The following PCDHGA5 variants were observed in gnomAD, a reference collection of about 807,000 sequenced individuals.
PCDHGA5 encodes protocadherin gamma-A5.
PCDHGA5 carries 36 observed loss-of-function variants against 56.7 expected under a neutral mutation model. That is an observed-to-expected ratio of 0.64 (90% CI 0.49 to 0.84). The LOEUF is 0.84. Among genes scored for constraint, PCDHGA5 ranks in the 40% least tolerant of loss-of-function variants. The pLI, the probability that PCDHGA5 is intolerant of heterozygous loss-of-function variation, is 0.00. For missense variants in PCDHGA5, 1,305 were observed against 1,201.5 expected, an observed-to-expected ratio of 1.09 and a Z score of -1.27; for synonymous variants, 563 against 520.2, an observed-to-expected ratio of 1.08 and a Z score of -1.12.
In PCDHGA5 at chr5:141,415,739, GGTTTTT is replaced by G; in HGVS notation, c.2421+48989_2421+48994del. On this transcript the variant is annotated intron_variant, in intron 1 of 3. Coordinates refer to ENST00000518069, the MANE Select transcript of PCDHGA5 (RefSeq NM_018918.3). ...ATGAGTAGAATTTGATGTTTATTAA[GGTTTTT>G]TTTTTTTTTTTTTTTTTTTTTTTTT... is the stretch of plus-strand genomic sequence containing the variant. 1.4e-4 allele frequency: 59 copies of G among 434,890 alleles called. 1 individual carries two copies. The African/African-American group carries it at 1.6e-3, about 12-fold the overall frequency. The allele number at this position is 434,890 out of a possible 1,614,324, so 26.9% of individuals were successfully genotyped here.
intron 1 of PCDHGA5, chr5:141,415,740 G>GTTTTTTTTTTTTTTTTTTTTTTTTTTTTT (rs57426385): frequency 8.0e-6 from 5 of 625,030 alleles, no homozygotes; most frequent in African/African-American, 2.5e-5. Flanking sequence ...GTTTATTAAG[G>GTTTTTTTTTTTTTTTTTTTTTTTTTTTTT]TTTTTTTTTT....
intron 1 of PCDHGA5, chr5:141,367,354 C>A (rs991967780): frequency 2.6e-5 from 4 of 151,972 alleles, no homozygotes; most frequent in African/African-American, 9.7e-5. Flanking sequence ...CTGGCTAACA[C>A]GGTGAAACCC....
In PCDHGA5 at chr5:141,431,048, A is replaced by G; in HGVS notation, c.2422-63759A>G. The G allele has an allele frequency of 6.2e-7, 1 of 1,614,180 alleles. No homozygotes were observed. Among genetic ancestry groups the G allele is most frequent in the Non-Finnish European group, 8.5e-7 (1 of 1,180,018 alleles). The stretch of plus-strand genomic sequence containing the variant: ...CAGGATAGACCGGGAGGAGCTCTGT[A>G]TGGGGGCCATCAAGTGTCAATTAAA... On this transcript the variant is annotated intron_variant, in intron 1 of 3. Coordinates refer to ENST00000518069, the MANE Select transcript of PCDHGA5 (RefSeq NM_018918.3). This position sits in a 1 kb window ranked among gnomAD's most constrained non-coding sequence, Gnocchi z 4.8.
chr5:141,374,078 C>T, intron 1 of PCDHGA5: 1 of 1,516,122 alleles, frequency 6.6e-7, no homozygotes, highest in Non-Finnish European at 8.8e-7. Flanking sequence ...TCCTAATAAG[C>T]CAGTAATGGC....
intron 1 of PCDHGA5, chr5:141,422,152 G>A (rs979405624): frequency 1.3e-5 from 20 of 1,575,764 alleles, no homozygotes; most frequent in Non-Finnish European, 1.5e-5. Flanking sequence ...GGGGTCTCTG[G>A]ATTTTGAAAA....
chr5:141,387,606 T>C, intron 1 of PCDHGA5: 1 of 549,218 alleles, frequency 1.8e-6, no homozygotes, highest in Non-Finnish European at 3.2e-6. Context: ...GCAGAGGCTG[T>C]AGTTTCCTAG....
rs376890554 is a variant in PCDHGA5 at position 141,408,250 on chromosome 5, G to A, written c.2421+41499G>A. 3.6e-4 allele frequency: 569 copies of A among 1,595,986 alleles called. 5 individuals are homozygous for A. The highest frequency in any genetic ancestry group is 1.7e-3 in the South Asian group (151 of 89,354). On this transcript the variant is annotated intron_variant, in intron 1 of 3. Coordinates refer to ENST00000518069, the MANE Select transcript of PCDHGA5 (RefSeq NM_018918.3). ...GGCGCCGGGCCGGCCCGCGGCAGGT[G>A]CTATTTCCTTTGCTGCTGCCTTTGT... is the stretch of plus-strand genomic sequence containing the variant.
intron 1 of PCDHGA5, chr5:141,376,448 G>A: frequency 6.2e-7 from 1 of 1,614,174 alleles, no homozygotes. Context: ...TGAGAAAAGC[G>A]AGCCTCTTCT....
In PCDHGA5 at chr5:141,511,421, G is replaced by A. The variant is rs1289887363; in HGVS notation, c.*248G>A. 19 of 829,148 alleles carry A rather than the reference G, an allele frequency of 2.3e-5. No individual in the cohort carries two copies. The highest frequency in any genetic ancestry group is 3.8e-4 in the Middle Eastern group (1 of 2,640). 51.4% of individuals were successfully genotyped at this position (829,148 alleles called of 1,614,324 possible). On this transcript the variant is annotated 3_prime_UTR_variant, in exon 4 of 4. Coordinates refer to ENST00000518069, the MANE Select transcript of PCDHGA5 (RefSeq NM_018918.3). The stretch of plus-strand genomic sequence containing the variant: ...CCAATCAACTGCTGTACCCATGGGG[G>A]TAGTGGGGTTACTGTAGACACCAAG...
chr5:141,454,892 C>T (rs1389056318), intron 1 of PCDHGA5, among the ~76,000 whole-genome samples: 4 of 146,994 alleles, frequency 2.7e-5, no homozygotes, highest in Non-Finnish European at 5.9e-5. Context: ...ACTGCTAGCA[C>T]CGCCTCCCGG....
intron 1 of PCDHGA5, chr5:141,383,630 T>C: frequency 6.2e-7 from 1 of 1,613,986 alleles, no homozygotes; most frequent in Non-Finnish European, 8.5e-7. Context: ...GTCTTCTCTC[T>C]GCCTCAGTAC....
chr5:141,470,035 G>A lies in PCDHGA5; in HGVS notation c.2422-24772G>A, dbSNP rs761812438. ...TCCCAGCTACTCGGGATGCTGAGGC[G>A]CGAGAACTGTTTGAACCCCGGAGGC... On this transcript the variant is annotated intron_variant, in intron 1 of 3. Transcript: ENST00000518069. Among the ~76,000 whole-genome samples, 97 of 152,224 alleles carry A rather than the reference G, an allele frequency of 6.4e-4. 2 individuals carry two copies. Among genetic ancestry groups the A allele is most frequent in the East Asian group, 1.2e-3 (6 of 5,170 alleles).
At chr5:141,416,717 A>G (rs1227713508) in intron 1 of PCDHGA5, 1 of 152,256 alleles carries the variant, frequency 6.6e-6, no homozygotes, top group Admixed American at 6.5e-5. Flanking sequence ...GGTACTGATG[A>G]GTTCATTTAG....
chr5:141,418,694 TATTCC>T, intron 1 of PCDHGA5: 2 of 1,614,044 alleles, frequency 1.2e-6, no homozygotes, highest in Non-Finnish European at 1.7e-6. Flanking sequence ...AGAGATCACT[TATTCC>T]TTCTTTGGTG....
At chr5:141,376,032 GCCAGC>G in intron 1 of PCDHGA5, 1 of 1,613,116 alleles carries the variant, frequency 6.2e-7, no homozygotes, top group South Asian at 1.1e-5. Flanking sequence ...CAGGACCACG[GCCAGC>G]CCCCTCTCTC....
chr5:141,498,105 G>C (rs150297456), intron 2 of PCDHGA5, among the ~76,000 whole-genome samples: 1 of 152,324 alleles, frequency 6.6e-6, no homozygotes, highest in East Asian at 1.9e-4. Flanking sequence ...TGGTGTGGGC[G>C]TATAATAGGG....
chr5:141,376,730 A>T (rs1773298181), intron 1 of PCDHGA5: 1 of 526,912 alleles, frequency 1.9e-6, no homozygotes, highest in Admixed American at 4.2e-5. Flanking sequence ...CCCAGGCCGG[A>T]CTGCGGACTG....
intron 1 of PCDHGA5, chr5:141,389,438 C>T (rs781427097): frequency 6.2e-7 from 1 of 1,610,592 alleles, no homozygotes; most frequent in South Asian, 1.1e-5. Flanking sequence ...AGCGCGCCTT[C>T]GACCACGAGC....
chr5:141,426,542 T>C, intron 1 of PCDHGA5: 1 of 347,918 alleles, frequency 2.9e-6, no homozygotes, highest in South Asian at 2.2e-5. Context: ...AACATACTTG[T>C]GAGTGACAGA....
Sources: allele counts gnomAD v4.1 joint callset (sites outside exome capture counted in the v4.1 genomes callset), GRCh38; gene constraint gnomAD v4.1.1; non-coding constraint Gnocchi (gnomAD v3.1); transcripts MANE v1.5; gene names NCBI Gene and HGNC (gene_info 2026-07-23, HGNC 2026-07-21).